Variants in RTP2 observed in about 807,000 individuals in gnomAD.
RTP2 encodes receptor-transporting protein 2.
RTP2 carries 12 observed loss-of-function variants against 17.9 expected under a neutral mutation model. The observed-to-expected ratio is 0.67, with a 90% CI of 0.43 to 1.09. The LOEUF (loss-of-function observed/expected upper bound fraction) is 1.09, where lower values mean the gene tolerates loss of function less well. Among genes scored for constraint, RTP2 ranks in the 50% least tolerant of loss-of-function variants. RTP2 has a pLI of 0.00. For synonymous variants in RTP2, 126 were observed against 117.7 expected (o/e 1.07, Z -0.46); for missense variants, 327 against 295.7 (o/e 1.11, Z -0.78).
the RTP2 span, among the ~76,000 whole-genome samples, chr3:187,707,952 T>G: frequency 6.6e-6 from 1 of 152,178 alleles, no homozygotes; most frequent in Non-Finnish European, 1.5e-5. Context: ...TGAGTATTCT[T>G]TTGTACACTC....
Position 187,702,394 on chromosome 3 carries a change from T to C in RTP2, c.-266A>G, listed in dbSNP as rs73043382. ...GTTAGGCTTCAGAGGCAGCGCTGGG[T>C]AGGCCTGAGAGGAGCAAGCACAGTG... On this transcript the variant is annotated 5_prime_UTR_variant, in exon 1 of 2. Coordinates refer to ENST00000358241, the Ensembl canonical transcript of RTP2. 6.0e-3 allele frequency: 3,297 copies of C among 546,534 alleles called. 84 individuals carry two copies. Among genetic ancestry groups the C allele is most frequent in the African/African-American group, 0.049 (2,625 of 53,878 alleles). 33.9% of individuals were successfully genotyped at this position (546,534 alleles called of 1,614,324 possible).
chr3:187,701,862 C>T (rs892107685), intron 1 of RTP2, 103 bp downstream of exon 1: 11 of 648,400 alleles, frequency 1.7e-5, no homozygotes, highest in Non-Finnish European at 2.4e-5. Flanking sequence ...TCTGAGCTGA[C>T]ACCAGAATAA....
chr3:187,715,199 T>G, the RTP2 span, among the ~76,000 whole-genome samples: 2 of 152,150 alleles, frequency 1.3e-5, no homozygotes, highest in Non-Finnish European at 2.9e-5. Context: ...ATCTCAAGTT[T>G]GAAAGGGACC....
chr3:187,702,079 T>G (rs777699149), exon 1 of RTP2: 2 of 1,613,582 alleles, frequency 1.2e-6, no homozygotes, highest in Non-Finnish European at 1.7e-6. Flanking sequence ...CACCTCCATC[T>G]TCTCATAGAA....
At chr3:187,711,925 CAAAA>C in the RTP2 span, among the ~76,000 whole-genome samples, 12 of 152,032 alleles carry the variant, frequency 7.9e-5, no homozygotes, top group Non-Finnish European at 1.3e-4. Flanking sequence ...AGAACATTCT[CAAAA>C]AGACAAAATT....
exon 2 of RTP2, chr3:187,698,429 G>A: frequency 7.3e-7 from 1 of 1,373,960 alleles, no homozygotes; most frequent in Non-Finnish European, 9.9e-7. Flanking sequence ...TCTGTAGCAG[G>A]ATCAAGTCCA....
rs925071951 is a variant in RTP2, at chr3:187,702,386, G to A, written c.-258C>T. 9.0e-6 allele frequency: 5 copies of A among 553,308 alleles called. No homozygotes were observed. In the African/African-American group the frequency reaches 9.3e-5, roughly 10 times the overall value. 34.3% of individuals were successfully genotyped at this position (553,308 alleles called of 1,614,324 possible). On this transcript the variant is annotated 5_prime_UTR_variant, in exon 1 of 2. Coordinates refer to ENST00000358241, the Ensembl canonical transcript of RTP2. ...GGCCCTGAGTTAGGCTTCAGAGGCA[G>A]CGCTGGGTAGGCCTGAGAGGAGCAA...
chr3:187,710,540 T>TATATATATATATGTGTGTGTATATGTGC, the RTP2 span, among the ~76,000 whole-genome samples: 1 of 133,538 alleles, frequency 7.5e-6, no homozygotes, highest in African/African-American at 3.4e-5. Flanking sequence ...TATATGTGCA[T>TATATATATATATGTGTGTGTATATGTGC]ATATATATAT....
the RTP2 span, among the ~76,000 whole-genome samples, chr3:187,713,154 C>T: frequency 6.6e-6 from 1 of 152,298 alleles, no homozygotes; most frequent in South Asian, 2.1e-4. Flanking sequence ...GTACCCAGCC[C>T]ACAGCCTAGG....
upstream of RTP2, among the ~76,000 whole-genome samples, chr3:187,705,050 A>G (rs1318682817): frequency 1.3e-5 from 2 of 152,150 alleles, no homozygotes; most frequent in Non-Finnish European, 1.5e-5. Flanking sequence ...AAGAGTGACT[A>G]TATCTACTTA....
upstream of RTP2, among the ~76,000 whole-genome samples, chr3:187,707,129 T>C (rs1718012334): frequency 6.6e-6 from 1 of 152,228 alleles, no homozygotes; most frequent in African/African-American, 2.4e-5. Context: ...ATGGCCTTTC[T>C]ATGGAGCCTG....
intron 1 of RTP2, 143 bp from the exon 2 acceptor site, chr3:187,699,154 T>C: frequency 9.5e-7 from 1 of 1,049,356 alleles, no homozygotes; most frequent in South Asian, 1.8e-5. Context: ...TCATTAGCAC[T>C]CCAAGGCCGG....
At chr3:187,699,786 TA>T (rs1560136117) in intron 1 of RTP2, among the ~76,000 whole-genome samples, 1,084 of 89,538 alleles carry the variant, frequency 0.012, 13 homozygotes, top group African/African-American at 0.026. Context: ...CACACACATA[TA>T]TTTTCTCTCT....
exon 1 of RTP2, chr3:187,701,979 C>G (rs778639229): frequency 1.9e-6 from 3 of 1,602,916 alleles, no homozygotes; most frequent in Non-Finnish European, 2.6e-6. Context: ...CTGAGGCGTG[C>G]TGCTCCAGGT....
chr3:187,713,002 G>C, the RTP2 span, among the ~76,000 whole-genome samples: 4 of 152,156 alleles, frequency 2.6e-5, no homozygotes, highest in African/African-American at 9.7e-5. Flanking sequence ...TCTCACTGTG[G>C]CAGGGCCCAG....
At chr3:187,704,706 G>A (rs1455411075), upstream of RTP2, among the ~76,000 whole-genome samples, 3 of 152,156 alleles carry the variant, frequency 2.0e-5, no homozygotes, top group African/African-American at 7.2e-5. Flanking sequence ...GCTATAGGGC[G>A]AATCCAAGAT....
At chr3:187,699,926 C>T (rs11928175) in intron 1 of RTP2, among the ~76,000 whole-genome samples, 25,598 of 152,068 alleles carry the variant, frequency 0.17, 2,778 homozygotes, top group African/African-American at 0.31. Flanking sequence ...CCACCACTGC[C>T]TGCACACTTT....
chr3:187,711,888 A>G, the RTP2 span, among the ~76,000 whole-genome samples: 6 of 152,208 alleles, frequency 3.9e-5, no homozygotes, highest in Admixed American at 1.3e-4. Flanking sequence ...ATTTAATATT[A>G]TTTTTCTACT....
chr3:187,705,957 G>A (rs558300687), upstream of RTP2, among the ~76,000 whole-genome samples: 8 of 152,124 alleles, frequency 5.3e-5, no homozygotes, highest in Non-Finnish European at 1.0e-4. Context: ...GCATAAACAG[G>A]CAGTTAAAAG....
Sources: gnomAD v4.1 joint callset for allele counts (sites outside exome capture counted in the v4.1 genomes callset) on GRCh38, gnomAD v4.1.1 for gene constraint, MANE v1.5 for transcripts, NCBI Gene and HGNC (gene_info 2026-07-23, HGNC 2026-07-21) for gene names.